Variants in LMLN observed in about 807,000 individuals in gnomAD.
LMLN encodes leishmanolysin like peptidase.
In LMLN, 70 loss-of-function variants were observed where a neutral mutation model predicts 92.3. The ratio of observed to expected loss-of-function variants is 0.76; its 90% CI spans 0.63 to 0.92. The LOEUF (loss-of-function observed/expected upper bound fraction) is 0.92. Among genes scored for constraint, LMLN ranks in the 40% least tolerant of loss-of-function variants. The pLI is 0.00. For missense variants in LMLN, 691 were observed against 814.6 expected (o/e 0.85, Z 1.85); for synonymous variants, 308 against 296.2 (o/e 1.04, Z -0.41).
chr3:198,029,120 A>G (rs1723010852), intron 14 of LMLN, among the ~76,000 whole-genome samples: 1 of 152,196 alleles, frequency 6.6e-6, no homozygotes, highest in African/African-American at 2.4e-5. Flanking sequence ...TAGAAACCAG[A>G]ATGATCATTT....
At chr3:198,036,520 G>A (rs925949759) in intron 15 of LMLN, among the ~76,000 whole-genome samples, 1 of 152,166 alleles carries the variant, frequency 6.6e-6, no homozygotes, top group African/African-American at 2.4e-5. Context: ...ATGAGACAGA[G>A]AGATGTGGGC....
At chr3:197,970,978 T>G (rs1040179375) in intron 1 of LMLN, among the ~76,000 whole-genome samples, 1 of 151,534 alleles carries the variant, frequency 6.6e-6, no homozygotes, top group African/African-American at 2.4e-5. Context: ...TTCTCAGATG[T>G]ATGTGAAATG....
At chr3:197,979,922 G>T (rs1455981956) in intron 5 of LMLN, among the ~76,000 whole-genome samples, 1 of 151,982 alleles carries the variant, frequency 6.6e-6, no homozygotes, top group African/African-American at 2.4e-5. Flanking sequence ...CATTAGGTAA[G>T]ATTTTTTTTA....
In LMLN at chr3:198,042,571, C is replaced by T. The variant is rs552966522; in HGVS notation, c.*3904C>T. On this transcript the variant is annotated 3_prime_UTR_variant, in exon 16 of 16. Coordinates refer to ENST00000330198, the Ensembl canonical transcript of LMLN. The surrounding 1 kb of genome is among the most constrained non-coding windows in gnomAD (Gnocchi z 4.2). ...ACGTCGCTGTGTTAAGAGGGACAGG[C>T]TGGGCCGGCTGCAGCTGTAGTGGAA... 1 of 152,328 alleles carries T rather than the reference C, an allele frequency of 6.6e-6. No individual in the cohort carries two copies. The highest frequency in any genetic ancestry group is 1.5e-5 in the Non-Finnish European group (1 of 68,072). The allele number at this position is 152,328 out of a possible 1,614,324, so 9.4% of individuals were successfully genotyped here.
rs1385683253 is a variant in LMLN, at chr3:197,984,064, A to T, written c.834+16A>T. 1 of 1,510,714 alleles carries T rather than the reference A, an allele frequency of 6.6e-7. No individual in the cohort carries two copies. The allele number at this position is 1,510,714 out of a possible 1,614,324, so 93.6% of individuals were successfully genotyped here. A position where few individuals can be genotyped will look rare whatever the true frequency, so the allele number is the denominator to read the frequency against. On this transcript the variant is annotated intron_variant, in intron 7 of 15. Transcript: ENST00000330198. ...TCATGCCCTGGTAAATTCTAGCCTT[A>T]CTGTTCTTTCCTTCATGCCTTGATT...
rs760842999 is a variant in LMLN, at chr3:197,983,940, C to T, written c.729-3C>T. ...TTTAAAAATTCAATGTCTGTTTTGA[C>T]AGGCCAATAGCAGGATATGCTAACC... On this transcript the variant is annotated splice_polypyrimidine_tract_variant and splice_region_variant and intron_variant, in intron 6 of 15. Coordinates refer to ENST00000330198, the Ensembl canonical transcript of LMLN. 1.9e-6 allele frequency: 3 copies of T among 1,588,230 alleles called. No homozygotes were observed. Among genetic ancestry groups the T allele is most frequent in the Admixed American group, 1.7e-5 (1 of 59,366 alleles).
chr3:197,964,468 T>C lies in LMLN; in HGVS notation c.219+4028T>C, dbSNP rs1268692362. On this transcript the variant is annotated intron_variant, in intron 1 of 15. Coordinates refer to ENST00000330198, the Ensembl canonical transcript of LMLN. ...CAGGCTGGAGTGCAGTGGCGCAATC[T>C]CAGCAGAGCAACCTCGGCTTCCTGG... 4.6e-5 allele frequency among the ~76,000 whole-genome samples: 7 copies of C among 150,958 alleles called. No homozygotes were observed. The East Asian group carries it at 1.4e-3, about 30-fold the overall frequency.
rs1012228884 is a variant in LMLN at position 198,031,079 on chromosome 3, C to A, written c.1657-4754C>A. Among the ~76,000 whole-genome samples, 2 of 152,166 alleles carry A rather than the reference C, an allele frequency of 1.3e-5. No homozygotes were observed. Among genetic ancestry groups the A allele is most frequent in the Admixed American group, 1.3e-4 (2 of 15,282 alleles). On this transcript the variant is annotated intron_variant, in intron 14 of 15. Transcript: ENST00000330198. This position sits in a 1 kb window ranked among gnomAD's most constrained non-coding sequence, Gnocchi z 4.8. ...GGCCTGAGAATGAAATAGGCATAAG[C>A]CCGATGAACAGGAGGAAAACATACA...
intron 1 of LMLN, among the ~76,000 whole-genome samples, chr3:197,961,745 C>T (rs1456848735): frequency 1.3e-5 from 2 of 152,152 alleles, no homozygotes; most frequent in Non-Finnish European, 2.9e-5. Context: ...TTCAATGCTA[C>T]AGGAAATTAC....
chr3:198,032,052 A>C (rs750799270), intron 14 of LMLN, among the ~76,000 whole-genome samples: 4 of 151,158 alleles, frequency 2.6e-5, no homozygotes, highest in Non-Finnish European at 5.9e-5. Context: ...CAGTGAGCTG[A>C]GATGACACTA....
chr3:197,997,330 C>T (rs1222253245), intron 10 of LMLN, among the ~76,000 whole-genome samples: 1 of 152,096 alleles, frequency 6.6e-6, no homozygotes, highest in Non-Finnish European at 1.5e-5. Flanking sequence ...AGATGGGTTT[C>T]ACCATGTTGC....
chr3:198,018,297 T>C (rs954468781), intron 11 of LMLN, among the ~76,000 whole-genome samples: 2 of 152,232 alleles, frequency 1.3e-5, no homozygotes, highest in Admixed American at 6.5e-5. Flanking sequence ...AGTTAAAATA[T>C]TGCCTTATAT....
intron 14 of LMLN, among the ~76,000 whole-genome samples, chr3:198,035,552 A>G (rs1420969974): frequency 6.6e-6 from 1 of 151,556 alleles, no homozygotes; most frequent in Non-Finnish European, 1.5e-5. Context: ...TAGTAGAGAC[A>G]GGGTTTCACC....
chr3:197,986,844 CTTT>C (rs749444175), intron 8 of LMLN, among the ~76,000 whole-genome samples: 3 of 133,776 alleles, frequency 2.2e-5, no homozygotes, highest in Non-Finnish European at 1.6e-5. Context: ...AATTTTTTTT[CTTT>C]TTTTTTTTTT....
At chr3:197,993,789 A>C (rs1325969481) in intron 9 of LMLN, among the ~76,000 whole-genome samples, 1 of 152,174 alleles carries the variant, frequency 6.6e-6, no homozygotes, top group Admixed American at 6.5e-5. Context: ...AATAGCCAAA[A>C]CAATCATGAG....
intron 14 of LMLN, among the ~76,000 whole-genome samples, chr3:198,026,243 A>G (rs542014276): frequency 1.5e-4 from 23 of 152,236 alleles, no homozygotes; most frequent in Admixed American, 4.6e-4. Context: ...GACATGAGCC[A>G]CTTTGCCTGA....
chr3:197,984,575 C>G (rs1721648190), intron 7 of LMLN, among the ~76,000 whole-genome samples: 1 of 151,358 alleles, frequency 6.6e-6, no homozygotes, highest in African/African-American at 2.4e-5. Flanking sequence ...CTTAGCCTCC[C>G]AAGTAGCTGG....
chr3:197,988,775 A>G (rs1721785180), intron 8 of LMLN, among the ~76,000 whole-genome samples: 1 of 152,026 alleles, frequency 6.6e-6, no homozygotes, highest in Non-Finnish European at 1.5e-5. Context: ...TCCATTTCCC[A>G]GGTTCAAGTG....
chr3:197,974,392 C>T (rs777401267), exon 2 of LMLN: 2 of 1,587,598 alleles, frequency 1.3e-6, no homozygotes, highest in Non-Finnish European at 1.7e-6. Context: ...AAATAAAGTT[C>T]ATCTTAAGGC....
Sources: allele counts gnomAD v4.1 joint callset (sites outside exome capture counted in the v4.1 genomes callset), GRCh38; gene constraint gnomAD v4.1.1; non-coding constraint Gnocchi (gnomAD v3.1); transcripts MANE v1.5; gene names NCBI Gene and HGNC (gene_info 2026-07-23, HGNC 2026-07-21).